ONECUT1: variants seen among roughly 807,000 people sequenced by gnomAD.
ONECUT1 encodes the protein hepatocyte nuclear factor 6.
In ONECUT1, 12 loss-of-function variants were observed where a neutral mutation model predicts 25.6. That is an observed-to-expected ratio of 0.47 (90% CI 0.30 to 0.76). The LOEUF is 0.76. Ranked by LOEUF, ONECUT1 falls within the 30% of genes least tolerant of loss-of-function variation. The probability of loss-of-function intolerance (pLI) is 0.07; values close to 1 mark genes in which losing one functional copy is unlikely to be tolerated. For missense variants in ONECUT1, 620 were observed against 651.2 expected (o/e 0.95, Z 0.52); for synonymous variants, 285 against 270.2 (o/e 1.05, Z -0.54).
chr15:52,763,539 A>T (rs2083717792), intron 1 of ONECUT1, among the ~76,000 whole-genome samples: 1 of 152,226 alleles, frequency 6.6e-6, no homozygotes, highest in African/African-American at 2.4e-5. Context: ...GTGAACAATG[A>T]GTTGTGAGGT....
chr15:52,786,210 C>T (rs942910762), intron 1 of ONECUT1, among the ~76,000 whole-genome samples: 1 of 152,190 alleles, frequency 6.6e-6, no homozygotes, highest in Non-Finnish European at 1.5e-5. Context: ...AGAAAATAAC[C>T]CCACTCTTTT....
intron 1 of ONECUT1, chr15:52,780,970 A>G (rs2083837382): frequency 3.0e-6 from 3 of 1,001,398 alleles, no homozygotes; most frequent in Middle Eastern, 4.1e-4. Context: ...GATGCCCTCT[A>G]GACAACTCCC....
In ONECUT1 at chr15:52,789,210, C is replaced by A; in HGVS notation, c.675G>T (p.Met225Ile). The A allele has an allele frequency of 6.4e-7, 1 of 1,563,990 alleles. No homozygotes were observed. Among genetic ancestry groups the A allele is most frequent in the Non-Finnish European group, 8.6e-7 (1 of 1,157,730 alleles). Residue 225 changes from methionine to isoleucine, a missense_variant, in exon 1 of 2, where the codon ATG (methionine) becomes ATT (isoleucine). Met to Ile is a conservative substitution (Grantham distance 10, BLOSUM62 1). Around this residue, in one of 4 missense-constraint regions of ONECUT1, gnomAD observed 440 missense variants for 404.9 expected, o/e 1.09. Coordinates refer to ENST00000305901, the MANE Select transcript of ONECUT1 (RefSeq NM_004498.4). The surrounding 1 kb of genome is among the most constrained non-coding windows in gnomAD (Gnocchi z 4.1). ...GGTGCTGCTCCCCGTGGCGGCCGAG[C>A]ATGGCCGGGTGGTGGGCTTCGAAGC... Reference protein sequence around the residue: ...PNGFEAHHPAMLGRHGEQHLT... With the variant: ...PNGFEAHHPAILGRHGEQHLT...
intron 1 of ONECUT1, among the ~76,000 whole-genome samples, chr15:52,779,839 A>G (rs1333152265): frequency 6.6e-6 from 1 of 152,240 alleles, no homozygotes; most frequent in African/African-American, 2.4e-5. Flanking sequence ...AATCTTCAGC[A>G]GAGGTACTTA....
intron 1 of ONECUT1, among the ~76,000 whole-genome samples, chr15:52,774,982 G>C (rs1042025337): frequency 2.0e-5 from 3 of 152,136 alleles, no homozygotes; most frequent in Non-Finnish European, 4.4e-5. Flanking sequence ...CTGAGGTCAG[G>C]AGTTCAAGAC....
intron 1 of ONECUT1, among the ~76,000 whole-genome samples, chr15:52,786,412 G>A (rs994156825): frequency 6.6e-6 from 1 of 152,242 alleles, no homozygotes; most frequent in Non-Finnish European, 1.5e-5. Flanking sequence ...AGGGTCTCAG[G>A]ACACAGAGTC....
At chr15:52,761,949 G>A in intron 1 of ONECUT1, among the ~76,000 whole-genome samples, 1 of 152,228 alleles carries the variant, frequency 6.6e-6, no homozygotes, top group East Asian at 1.9e-4. Flanking sequence ...GTCTCCATTA[G>A]GTGGTTGTAC....
At chr15:52,771,547 G>A (rs958438989) in intron 1 of ONECUT1, among the ~76,000 whole-genome samples, 10 of 151,806 alleles carry the variant, frequency 6.6e-5, no homozygotes, top group African/African-American at 2.4e-4. Context: ...CCTAAATGGT[G>A]AGATTATAGA....
intron 1 of ONECUT1, among the ~76,000 whole-genome samples, chr15:52,786,841 C>T (rs940372798): frequency 6.2e-5 from 1 of 16,128 alleles, no homozygotes; most frequent in African/African-American, 2.4e-4. Context: ...CTCCAGGGGG[C>T]GGGGGTGGGG....
chr15:52,774,580 G>A (rs958487651), intron 1 of ONECUT1, among the ~76,000 whole-genome samples: 1 of 152,122 alleles, frequency 6.6e-6, no homozygotes, highest in Non-Finnish European at 1.5e-5. Context: ...GATAACAGGC[G>A]TGAGCCACCG....
Position 52,784,024 on chromosome 15 carries a change from C to T in ONECUT1, c.1105+4756G>A, listed in dbSNP as rs192634380. ...TAAAAACAAAGGCGCAGCAAGCATCCCTTTCTTCGCTGCCGCGGGCTGAAC... is the reference window on the plus strand; with the variant it reads ...TAAAAACAAAGGCGCAGCAAGCATCTCTTTCTTCGCTGCCGCGGGCTGAAC... On this transcript the variant is annotated intron_variant, in intron 1 of 1. Coordinates refer to ENST00000305901, the MANE Select transcript of ONECUT1 (RefSeq NM_004498.4). This position sits in a 1 kb window ranked among gnomAD's most constrained non-coding sequence, Gnocchi z 5.0. Among the ~76,000 whole-genome samples the T allele has an allele frequency of 2.6e-4, 40 of 152,320 alleles. No individual in the cohort carries two copies. Among genetic ancestry groups the T allele is most frequent in the African/African-American group, 9.6e-4 (40 of 41,566 alleles).
intron 1 of ONECUT1, among the ~76,000 whole-genome samples, chr15:52,771,077 T>A (rs533906604): frequency 2.6e-5 from 4 of 152,320 alleles, no homozygotes; most frequent in African/African-American, 7.2e-5. Context: ...TCTAGGAATT[T>A]ATTCTAAGGC....
intron 1 of ONECUT1, among the ~76,000 whole-genome samples, chr15:52,774,742 G>A (rs566075899): frequency 4.7e-4 from 72 of 152,270 alleles, no homozygotes; most frequent in African/African-American, 1.7e-3. Flanking sequence ...ATTCAAAAAA[G>A]TATATATAAG....
rs1491354509 is a variant in ONECUT1, at chr15:52,766,236, T to TTA, written c.1106-8390_1106-8389insTA. ...GTGAGGTAGAAATAGGTATTCTTCC[T>TTA]TTTTTTTTTTTTTTGTAGGTGAAAC... On this transcript the variant is annotated intron_variant, in intron 1 of 1. Transcript: ENST00000305901. 4.1e-3 allele frequency among the ~76,000 whole-genome samples: 326 copies of TTA among 79,578 alleles called. 5 individuals carry two copies. The highest frequency in any genetic ancestry group is 0.028 in the African/African-American group (316 of 11,208). The allele number at this position is 79,578 out of a possible 152,430, so 52.2% of individuals were successfully genotyped here.
chr15:52,787,287 T>C (rs2083882097), intron 1 of ONECUT1, among the ~76,000 whole-genome samples: 4 of 151,632 alleles, frequency 2.6e-5, no homozygotes, highest in African/African-American at 9.7e-5. Flanking sequence ...CAGGGCAGAG[T>C]CTCAGCCAGC....
intron 1 of ONECUT1, among the ~76,000 whole-genome samples, chr15:52,758,094 G>A (rs948138726): frequency 6.6e-6 from 1 of 152,140 alleles, no homozygotes; most frequent in Admixed American, 6.5e-5. Flanking sequence ...CTTTGTCCTG[G>A]GTAAGTCAGT....
chr15:52,773,526 G>T (rs542779470), intron 1 of ONECUT1, among the ~76,000 whole-genome samples: 58 of 152,184 alleles, frequency 3.8e-4, no homozygotes, highest in Non-Finnish European at 6.0e-4. Context: ...GGCTTTGTCT[G>T]AGAGGGTAGA....
chr15:52,772,297 G>A (rs2083773042), intron 1 of ONECUT1, among the ~76,000 whole-genome samples: 1 of 151,968 alleles, frequency 6.6e-6, no homozygotes, highest in Admixed American at 6.6e-5. Context: ...GGGAGGCTGA[G>A]GCAGGAGAAT....
chr15:52,789,168 G>C lies in ONECUT1; in HGVS notation c.717C>G (p.Ala239=). ...HGEQHLTPTS[A]GMVPINGLPP... ...GAAGGCCGTTGATGGGCACCATGCC[G>C]GCCGAGGTGGGCGTGAGGTGCTGCT... Residue 239 remains alanine (A), a synonymous_variant, in exon 1 of 2, where the codon GCC becomes GCG. Transcript: ENST00000305901. This position sits in a 1 kb window ranked among gnomAD's most constrained non-coding sequence, Gnocchi z 4.1. 6.3e-7 allele frequency: 1 copy of C among 1,587,960 alleles called. No homozygotes were observed. The highest frequency in any genetic ancestry group is 1.1e-5 in the South Asian group (1 of 89,370).
Sources: gnomAD v4.1 joint callset for allele counts (sites outside exome capture counted in the v4.1 genomes callset) on GRCh38, gnomAD v4.1.1 for gene constraint, gnomAD v4.1.1 regional missense constraint, Gnocchi (gnomAD v3.1) non-coding constraint, MANE v1.5 for transcripts, NCBI Gene and HGNC (gene_info 2026-07-23, HGNC 2026-07-21) for gene names.